WWOX: variants seen among roughly 807,000 people sequenced by gnomAD.
The protein encoded by WWOX is WW domain containing oxidoreductase.
Under a neutral mutation model 46.2 loss-of-function variants are expected in WWOX, and 69 were observed. That is an observed-to-expected ratio of 1.49 (90% CI 1.23 to 1.82). The LOEUF (loss-of-function observed/expected upper bound fraction) is 1.82. Ranked by LOEUF, WWOX falls within the 40% of genes most tolerant of loss-of-function variation. The pLI is 0.00. For missense variants in WWOX, 919 were observed against 542.6 expected (o/e 1.69, Z -6.89); for synonymous variants, 359 against 202.6 (o/e 1.77, Z -6.56).
chr16:78,516,835 C>T (rs1261074252), intron 8 of WWOX, among the ~76,000 whole-genome samples: 1 of 152,124 alleles, frequency 6.6e-6, no homozygotes, highest in South Asian at 2.1e-4. Context: ...ATGGACACAT[C>T]ATTGAGGCTG....
At chr16:78,892,830 C>T (rs575305978) in intron 8 of WWOX, among the ~76,000 whole-genome samples, 3 of 152,270 alleles carry the variant, frequency 2.0e-5, no homozygotes, top group East Asian at 1.9e-4. Flanking sequence ...GCTGCTGATC[C>T]AATTGGATTA....
At chr16:79,010,226 G>A (rs2047276360) in intron 8 of WWOX, among the ~76,000 whole-genome samples, 1 of 152,196 alleles carries the variant, frequency 6.6e-6, no homozygotes, top group Non-Finnish European at 1.5e-5. Context: ...CCGAGCATCT[G>A]CTGTGTGCCA....
intron 8 of WWOX, among the ~76,000 whole-genome samples, chr16:78,562,132 T>C (rs1204501777): frequency 3.3e-5 from 5 of 152,186 alleles, no homozygotes; most frequent in African/African-American, 1.2e-4. Flanking sequence ...AATTGGATGC[T>C]CAACTCTGGA....
chr16:78,321,162 C>T (rs1468354167), intron 5 of WWOX, among the ~76,000 whole-genome samples: 7 of 151,714 alleles, frequency 4.6e-5, no homozygotes. Flanking sequence ...AATGTATAGG[C>T]CTTAATTGAA....
At chr16:78,731,030 T>C (rs1209483740) in intron 8 of WWOX, among the ~76,000 whole-genome samples, 5 of 152,182 alleles carry the variant, frequency 3.3e-5, no homozygotes, top group African/African-American at 1.2e-4. Context: ...TACCGTACTA[T>C]CCAACACATT....
At chr16:78,950,555 C>CACACAG (rs2046039856) in intron 8 of WWOX, among the ~76,000 whole-genome samples, 1 of 151,702 alleles carries the variant, frequency 6.6e-6, no homozygotes, top group African/African-American at 2.4e-5. Flanking sequence ...CACACACACA[C>CACACAG]ACACACACAC....
intron 5 of WWOX, among the ~76,000 whole-genome samples, chr16:78,306,452 G>A (rs1276966366): frequency 6.6e-6 from 1 of 152,156 alleles, no homozygotes; most frequent in Non-Finnish European, 1.5e-5. Context: ...CCCCAGAGTT[G>A]TATGAGAGTT....
chr16:78,265,188 A>G (rs1026164997), intron 5 of WWOX, among the ~76,000 whole-genome samples: 1 of 150,792 alleles, frequency 6.6e-6, no homozygotes, highest in Admixed American at 6.6e-5. Flanking sequence ...TTTGGTAGAA[A>G]CGGGGTTTCA....
intron 5 of WWOX, among the ~76,000 whole-genome samples, chr16:78,307,221 C>T (rs535891554): frequency 9.9e-5 from 15 of 152,238 alleles, no homozygotes; most frequent in African/African-American, 2.6e-4. Flanking sequence ...CACTGCTGCC[C>T]GTTCATTGCT....
At chr16:78,393,838 G>T (rs935520995) in intron 6 of WWOX, among the ~76,000 whole-genome samples, 4 of 150,902 alleles carry the variant, frequency 2.7e-5, no homozygotes, top group Admixed American at 6.6e-5. Context: ...TAGAACAGTG[G>T]TGTTTTTTTA....
chr16:78,121,070 C>A (rs1335671199), intron 4 of WWOX, among the ~76,000 whole-genome samples: 4 of 152,154 alleles, frequency 2.6e-5, no homozygotes, highest in South Asian at 2.1e-4. Flanking sequence ...GTAAAACACA[C>A]TCATATGAGA....
chr16:78,985,313 G>A (rs921112268), intron 8 of WWOX, among the ~76,000 whole-genome samples: 11 of 152,212 alleles, frequency 7.2e-5, no homozygotes, highest in African/African-American at 2.2e-4. Flanking sequence ...AGTTCAGCCC[G>A]TAAATCTGTG....
chr16:79,090,188 G>A (rs116395130), intron 8 of WWOX: 1 of 152,118 alleles, frequency 6.6e-6, no homozygotes, highest in African/African-American at 2.4e-5. Context: ...CCATAAAAAG[G>A]GCTGTTTCTT....
intron 5 of WWOX, among the ~76,000 whole-genome samples, chr16:78,348,732 ACAGGT>A (rs978169850): frequency 8.2e-6 from 1 of 121,574 alleles, no homozygotes; most frequent in African/African-American, 2.8e-5. Flanking sequence ...TGCTAGGATT[ACAGGT>A]GTCAGCCACA....
chr16:78,189,778 C>G (rs1256734634), intron 5 of WWOX, among the ~76,000 whole-genome samples: 1 of 152,146 alleles, frequency 6.6e-6, no homozygotes, highest in Non-Finnish European at 1.5e-5. Flanking sequence ...GCTCAACCTC[C>G]TAAGTAGCTG....
rs183894157 is a variant in WWOX, at chr16:78,576,888, A to G, written c.1056+144136A>G. 3.6e-4 allele frequency among the ~76,000 whole-genome samples: 55 copies of G among 152,334 alleles called. 2 individuals carry two copies. The highest frequency in any genetic ancestry group is 3.5e-3 in the Admixed American group (53 of 15,306). ...CTTTCTCAAGATTCCTTCTAAGGCTAACATTTCTTTGCCATCCCCACACTA... is the reference window on the plus strand; with the variant it reads ...CTTTCTCAAGATTCCTTCTAAGGCTGACATTTCTTTGCCATCCCCACACTA... On this transcript the variant is annotated intron_variant, in intron 8 of 8. Coordinates refer to ENST00000566780, the MANE Select transcript of WWOX (RefSeq NM_016373.4).
intron 5 of WWOX, among the ~76,000 whole-genome samples, chr16:78,309,823 C>T (rs542141809): frequency 6.6e-6 from 1 of 152,198 alleles, no homozygotes; most frequent in African/African-American, 2.4e-5. Context: ...AAGTCTAACT[C>T]TAATCCTGGC....
At chr16:78,944,774 T>A (rs1251947700) in intron 8 of WWOX, among the ~76,000 whole-genome samples, 1 of 152,192 alleles carries the variant, frequency 6.6e-6, no homozygotes, top group African/African-American at 2.4e-5. Flanking sequence ...TCTAAGTAAG[T>A]GAGCATGGCC....
intron 8 of WWOX, among the ~76,000 whole-genome samples, chr16:79,068,019 T>G (rs934440495): frequency 6.6e-6 from 1 of 152,176 alleles, no homozygotes; most frequent in Non-Finnish European, 1.5e-5. Context: ...TCATTGATCT[T>G]CCTGCCTTTG....
Sources: gnomAD v4.1 joint callset for allele counts (sites outside exome capture counted in the v4.1 genomes callset) on GRCh38, gnomAD v4.1.1 for gene constraint, MANE v1.5 for transcripts, NCBI Gene and HGNC (gene_info 2026-07-23, HGNC 2026-07-21) for gene names.